Variants in SEMA3C observed in about 807,000 individuals in gnomAD.
The protein encoded by SEMA3C is semaphorin 3C, also known as semaphorin-3C.
In SEMA3C, 47 loss-of-function variants were observed where a neutral mutation model predicts 89.4. That is an observed-to-expected ratio of 0.53 (90% confidence interval 0.42 to 0.67). The LOEUF (loss-of-function observed/expected upper bound fraction) is 0.67, where lower values mean the gene tolerates loss of function less well. Ranked by LOEUF, SEMA3C falls within the 30% of genes least tolerant of loss-of-function variation. The pLI is 0.00. For missense variants in SEMA3C, 839 were observed against 929.1 expected, an observed-to-expected ratio of 0.90 and a Z score of 1.26; for synonymous variants, 310 against 320.2, an observed-to-expected ratio of 0.97 and a Z score of 0.34.
chr7:80,809,116 A>AT (rs1301520044), intron 6 of SEMA3C, among the ~76,000 whole-genome samples: 1 of 152,174 alleles, frequency 6.6e-6, no homozygotes, highest in African/African-American at 2.4e-5. Flanking sequence ...TCAAAAGAGA[A>AT]TGTTGTTTAA....
At chr7:80,834,973 G>A (rs1250613162) in intron 2 of SEMA3C, among the ~76,000 whole-genome samples, 1 of 152,022 alleles carries the variant, frequency 6.6e-6, no homozygotes, top group Non-Finnish European at 1.5e-5. Context: ...TCTCATCAGT[G>A]GTTGGCTGAA....
At chr7:80,791,227 G>C (rs1386987826) in intron 11 of SEMA3C, among the ~76,000 whole-genome samples, 3 of 152,068 alleles carry the variant, frequency 2.0e-5, no homozygotes, top group African/African-American at 7.2e-5. Context: ...CCAAACTTAA[G>C]GGTAGGCTGG....
In SEMA3C at chr7:80,762,775, G is replaced by A. The variant is rs191379541; in HGVS notation, c.1444-1118C>T. On this transcript the variant is annotated intron_variant, in intron 13 of 17. Coordinates refer to ENST00000265361, the MANE Select transcript of SEMA3C (RefSeq NM_006379.5). ...TTGCAGTGAGCCAAGACTGTGCCAC[G>A]GCACTCCAGCCTGGGTAACAAGAGT... Among the ~76,000 whole-genome samples, 536 of 151,986 alleles carry A rather than the reference G, an allele frequency of 3.5e-3. 3 individuals are homozygous for A. Among genetic ancestry groups the A allele is most frequent in the African/African-American group, 0.012 (509 of 41,460 alleles).
At chr7:80,853,892 ATG>A (rs113692755) in intron 2 of SEMA3C, among the ~76,000 whole-genome samples, 8,632 of 148,442 alleles carry the variant, frequency 0.058, 330 homozygotes, top group Admixed American at 0.12. Flanking sequence ...CCCCATATAT[ATG>A]TGTGTGTGTG....
At chr7:80,846,561 C>A (rs376094616) in intron 2 of SEMA3C, among the ~76,000 whole-genome samples, 1 of 152,162 alleles carries the variant, frequency 6.6e-6, no homozygotes, top group African/African-American at 2.4e-5. Context: ...GAACTCTTGG[C>A]CTCAAGTAAT....
intron 4 of SEMA3C, among the ~76,000 whole-genome samples, chr7:80,818,992 C>G (rs775995984): frequency 6.6e-6 from 1 of 152,142 alleles, no homozygotes; most frequent in African/African-American, 2.4e-5. Context: ...CTCTGGGCAT[C>G]CTTACTGAGA....
intron 2 of SEMA3C, among the ~76,000 whole-genome samples, chr7:80,891,543 AAAAC>A (rs1207076901): frequency 1.3e-5 from 2 of 152,134 alleles, no homozygotes; most frequent in African/African-American, 4.8e-5. Flanking sequence ...AAAGTAAGGA[AAAAC>A]AAGAAGACAT....
chr7:80,903,103 G>T (rs1791922697), intron 2 of SEMA3C, among the ~76,000 whole-genome samples: 1 of 152,064 alleles, frequency 6.6e-6, no homozygotes, highest in African/African-American at 2.4e-5. Flanking sequence ...TCAAGTATTT[G>T]CAGTCACGCA....
At chr7:80,920,410 T>C (rs1468559407), upstream of SEMA3C, among the ~76,000 whole-genome samples, 1 of 152,220 alleles carries the variant, frequency 6.6e-6, no homozygotes, top group Admixed American at 6.5e-5. Flanking sequence ...TAAATTCTTA[T>C]AAACTGTATC....
At chr7:80,807,201 A>G (rs1475397992) in intron 6 of SEMA3C, among the ~76,000 whole-genome samples, 1 of 152,166 alleles carries the variant, frequency 6.6e-6, no homozygotes, top group Non-Finnish European at 1.5e-5. Flanking sequence ...TGTATATTCA[A>G]TTAACCATTA....
intron 16 of SEMA3C, among the ~76,000 whole-genome samples, chr7:80,750,710 A>G (rs1287608772): frequency 6.6e-6 from 1 of 151,904 alleles, no homozygotes; most frequent in Admixed American, 6.6e-5. Flanking sequence ...TTCATAAAGA[A>G]GTAGAATGGT....
intron 2 of SEMA3C, among the ~76,000 whole-genome samples, chr7:80,846,120 G>A (rs184838758): frequency 1.3e-5 from 2 of 152,204 alleles, no homozygotes; most frequent in East Asian, 3.9e-4. Context: ...GTGCCTAGGA[G>A]AAAAATGTCT....
intron 2 of SEMA3C, among the ~76,000 whole-genome samples, chr7:80,836,679 A>AAAACAAACAAACAAAC (rs201820910): frequency 4.2e-4 from 64 of 150,844 alleles, no homozygotes; most frequent in Non-Finnish European, 6.5e-4. Flanking sequence ...CTCCATCTCA[A>AAAACAAACAAACAAAC]AAACAAACAA....
intron 12 of SEMA3C, among the ~76,000 whole-genome samples, chr7:80,785,693 C>T (rs985010205): frequency 1.3e-5 from 2 of 152,228 alleles, no homozygotes; most frequent in Non-Finnish European, 2.9e-5. Flanking sequence ...AATCTTCACT[C>T]ACCACAACCT....
At chr7:80,896,730 T>C (rs1777897042) in intron 2 of SEMA3C, among the ~76,000 whole-genome samples, 1 of 152,162 alleles carries the variant, frequency 6.6e-6, no homozygotes, top group Admixed American at 6.5e-5. Context: ...GGCCCTATTC[T>C]GGTCCTTGCC....
intron 12 of SEMA3C, among the ~76,000 whole-genome samples, chr7:80,778,243 C>G (rs550830025): frequency 4.6e-5 from 7 of 152,210 alleles, no homozygotes; most frequent in African/African-American, 1.4e-4. Flanking sequence ...TTTTAGTATT[C>G]CTGTTTCTTT....
intron 2 of SEMA3C, among the ~76,000 whole-genome samples, chr7:80,908,902 T>C (rs576619631): frequency 2.1e-4 from 32 of 152,298 alleles, no homozygotes; most frequent in African/African-American, 7.7e-4. Flanking sequence ...TCTGTGGTTA[T>C]TCATAAATTT....
chr7:80,804,407 C>T (rs1245864892), intron 7 of SEMA3C, among the ~76,000 whole-genome samples, 159 bp from the exon 8 acceptor site: 2 of 152,062 alleles, frequency 1.3e-5, no homozygotes, highest in Non-Finnish European at 1.5e-5. Flanking sequence ...CATTCACACA[C>T]CATGCCACAT....
At position 80,827,441 on chromosome 7, in the gene SEMA3C, G is replaced by A; in HGVS notation, c.311C>T (p.Ala104Val). ...STIKVEECKM[A>V]GKDPTHGCGN... ...AACACTTACTGTGGGATCTTTGCCA[G>A]CCATTTTGCATTCTTCAACTTTGAT... is the stretch of plus-strand genomic sequence containing the variant. The change falls in exon 4 of 18, where the codon GCT becomes GTT. Residue 104 changes from alanine (A) to valine (V), a missense_variant. Coordinates refer to ENST00000265361, the MANE Select transcript of SEMA3C (RefSeq NM_006379.5). 2.6e-6 allele frequency: 4 copies of A among 1,544,438 alleles called. No homozygotes were observed. Among genetic ancestry groups the A allele is most frequent in the Non-Finnish European group, 3.5e-6 (4 of 1,149,252 alleles).
Sources: allele counts gnomAD v4.1 joint callset (sites outside exome capture counted in the v4.1 genomes callset), GRCh38; gene constraint gnomAD v4.1.1; transcripts MANE v1.5; gene names NCBI Gene and HGNC (gene_info 2026-07-23, HGNC 2026-07-21).